RPA1: variants seen among roughly 807,000 people sequenced by gnomAD.
RPA1 encodes the protein replication protein A 70 kDa DNA-binding subunit.
Under a neutral mutation model 83.0 loss-of-function variants are expected in RPA1, and 49 were observed. That is an observed-to-expected ratio of 0.59 (90% CI 0.47 to 0.75). The LOEUF (loss-of-function observed/expected upper bound fraction) is 0.75. RPA1 is among the 30% of genes least tolerant of loss of function. RPA1 has a pLI of 0.00. For missense variants in RPA1, 693 were observed against 776.1 expected, an observed-to-expected ratio of 0.89 and a Z score of 1.27; for synonymous variants, 279 against 281.8, an observed-to-expected ratio of 0.99 and a Z score of 0.10.
At chr17:1,871,506 T>C (rs1194979901) in intron 5 of RPA1, among the ~76,000 whole-genome samples, 1 of 152,148 alleles carries the variant, frequency 6.6e-6, no homozygotes, top group Admixed American at 6.5e-5. Flanking sequence ...CTCAGGGCAC[T>C]CTAGGAAAGT....
At chr17:1,831,746 C>G (rs1366183044) in intron 1 of RPA1, among the ~76,000 whole-genome samples, 6 of 150,388 alleles carry the variant, frequency 4.0e-5, no homozygotes, top group Non-Finnish European at 8.9e-5. Context: ...CTACAGGTAC[C>G]CGCCACCACG....
At chr17:1,840,013 G>A (rs957625965) in intron 1 of RPA1, among the ~76,000 whole-genome samples, 2 of 151,244 alleles carry the variant, frequency 1.3e-5, no homozygotes, top group Admixed American at 6.6e-5. Flanking sequence ...GGTTGGTCTC[G>A]AACTCCTGAC....
At chr17:1,872,865 T>G (rs1913431395) in intron 6 of RPA1, among the ~76,000 whole-genome samples, 1 of 152,006 alleles carries the variant, frequency 6.6e-6, no homozygotes, top group Admixed American at 6.6e-5. Flanking sequence ...GTAGAAATGG[T>G]GTCTTACTAT....
rs17292252 is a variant in RPA1, at chr17:1,884,341, G to GT, written c.1374+397_1374+398insT. On this transcript the variant is annotated intron_variant, in intron 13 of 16. Transcript: ENST00000254719. This position sits in a 1 kb window ranked among gnomAD's most constrained non-coding sequence, Gnocchi z 4.1. ...TTGAGATGAGCGTTAGTCCGCCTCA[G>GT]GTCAGACATGAGGCAGTTTCACGGG... Among the ~76,000 whole-genome samples the GT allele has an allele frequency of 0.49, 75,141 of 151,936 alleles. 19,832 individuals are homozygous for GT. The highest frequency in any genetic ancestry group is 0.67 in the African/African-American group (27,739 of 41,404).
At chr17:1,881,852 A>G (rs1320455105) in intron 12 of RPA1, among the ~76,000 whole-genome samples, 3 of 152,020 alleles carry the variant, frequency 2.0e-5, no homozygotes. Context: ...GATCTTGGCT[A>G]TAACAATGCA....
chr17:1,838,847 A>T (rs1007950258), intron 1 of RPA1, among the ~76,000 whole-genome samples: 3 of 151,900 alleles, frequency 2.0e-5, no homozygotes, highest in Non-Finnish European at 4.4e-5. Context: ...TTATTTATTT[A>T]TTTTTTTAAT....
At chr17:1,868,700 C>T (rs1913274224) in intron 5 of RPA1, among the ~76,000 whole-genome samples, 1 of 152,116 alleles carries the variant, frequency 6.6e-6, no homozygotes, top group Non-Finnish European at 1.5e-5. Flanking sequence ...GATCGCGCCA[C>T]TGCCCTCCAG....
intron 5 of RPA1, among the ~76,000 whole-genome samples, chr17:1,868,085 A>AG (rs773373866): frequency 6.6e-6 from 1 of 152,042 alleles, no homozygotes; most frequent in Non-Finnish European, 1.5e-5. Context: ...CCCTGTCTCA[A>AG]GGGGGAAAAA....
At position 1,898,446 on chromosome 17, in the gene RPA1, TATTA is replaced by T. The variant is rs1157582486; in HGVS notation, c.*1276_*1279del. Reference sequence around the variant, plus strand: ...TGCTCGCTCTGTGTGTTCCTAATCATATTAATTATCTATCCGGTGGCTGCAACAC... The same window carrying T: ...TGCTCGCTCTGTGTGTTCCTAATCATATTATCTATCCGGTGGCTGCAACAC... On this transcript the variant is annotated 3_prime_UTR_variant, in exon 17 of 17. Coordinates refer to ENST00000254719, the MANE Select transcript of RPA1 (RefSeq NM_002945.5). The T allele has an allele frequency of 3.9e-5, 6 of 152,284 alleles. No homozygotes were observed. Among genetic ancestry groups the T allele is most frequent in the African/African-American group, 1.4e-4 (6 of 41,472 alleles). The allele number at this position is 152,284 out of a possible 1,614,324, so 9.4% of individuals were successfully genotyped here.
chr17:1,875,907 T>A (rs551863962), intron 7 of RPA1, 114 bp downstream of exon 7: 3 of 1,028,682 alleles, frequency 2.9e-6, no homozygotes, highest in Non-Finnish European at 1.3e-6. Flanking sequence ...TACCACCAAA[T>A]AGAATGGGTT....
At chr17:1,888,571 A>G in intron 13 of RPA1, 104 bp from the exon 14 acceptor site, 2 of 1,119,434 alleles carry the variant, frequency 1.8e-6, no homozygotes, top group South Asian at 1.6e-5. Context: ...GAGGATGTAG[A>G]AACACTTACC....
At chr17:1,867,192 G>C in intron 5 of RPA1, among the ~76,000 whole-genome samples, 1 of 151,914 alleles carries the variant, frequency 6.6e-6, no homozygotes, top group East Asian at 1.9e-4. Context: ...TAAAATGAGC[G>C]AATTTGTTAT....
At chr17:1,840,498 G>A (rs912888709) in intron 1 of RPA1, among the ~76,000 whole-genome samples, 4 of 151,850 alleles carry the variant, frequency 2.6e-5, no homozygotes, top group African/African-American at 9.7e-5. Flanking sequence ...GTGTTAGCCG[G>A]GATGGTCTCA....
chr17:1,894,575 G>A (rs1322372701), intron 15 of RPA1, among the ~76,000 whole-genome samples: 2 of 152,162 alleles, frequency 1.3e-5, no homozygotes, highest in African/African-American at 2.4e-5. Context: ...GTTTAGTGGC[G>A]TTAGGTACAT....
chr17:1,878,900 T>C (rs1170791760), intron 8 of RPA1, 93 bp from the exon 9 acceptor site: 4 of 1,199,506 alleles, frequency 3.3e-6, no homozygotes, highest in Admixed American at 1.7e-5. Context: ...ACTTTGGTGC[T>C]AGGGTGGCCT....
Position 1,880,567 on chromosome 17 carries a change from C to G in RPA1, c.1117C>G (p.Gln373Glu). ...GGCTGATAAATTTGATGGTTCTAGA[C>G]AGCCCGTGTTGGCTATCAAAGGAGC... ...EDADKFDGSR[Q>E]PVLAIKGARV... The change falls in exon 12 of 17, where the codon CAG becomes GAG. Residue 373 changes from glutamine (Q) to glutamate (E), a missense_variant. Gln to Glu is a conservative substitution (Grantham distance 29). Transcript: ENST00000254719. 1.2e-6 allele frequency: 2 copies of G among 1,614,102 alleles called. No homozygotes were observed. Among genetic ancestry groups the G allele is most frequent in the Non-Finnish European group, 1.7e-6 (2 of 1,180,004 alleles).
chr17:1,839,166 T>C (rs986746494), intron 1 of RPA1, among the ~76,000 whole-genome samples: 11 of 152,060 alleles, frequency 7.2e-5, no homozygotes, highest in Non-Finnish European at 1.6e-4. Context: ...CCTTAGTCAC[T>C]TTATATAAAA....
At chr17:1,879,830 C>T in intron 11 of RPA1, 131 bp downstream of exon 11, 1 of 1,163,774 alleles carries the variant, frequency 8.6e-7, no homozygotes, top group Non-Finnish European at 1.2e-6. Context: ...GTGGTCTTAT[C>T]CTATAGGATG....
intron 1 of RPA1, among the ~76,000 whole-genome samples, chr17:1,831,898 C>CTTT (rs138268342): frequency 5.3e-4 from 20 of 37,814 alleles, no homozygotes; most frequent in Non-Finnish European, 8.5e-4. Flanking sequence ...TGTGCCCGGC[C>CTTT]TTTTTTTTTT....
Sources: allele counts gnomAD v4.1 joint callset (sites outside exome capture counted in the v4.1 genomes callset), GRCh38; gene constraint gnomAD v4.1.1; non-coding constraint Gnocchi (gnomAD v3.1); transcripts MANE v1.5; gene names NCBI Gene and HGNC (gene_info 2026-07-23, HGNC 2026-07-21).